The following MYL12A variants were observed in gnomAD, a reference collection of about 807,000 sequenced individuals.
The protein encoded by MYL12A is myosin light chain 12A.
MYL12A carries 11 observed loss-of-function variants against 13.3 expected under a neutral mutation model. The observed-to-expected ratio is 0.83, with a 90% confidence interval of 0.52 to 1.37. The LOEUF (loss-of-function observed/expected upper bound fraction) is 1.37. MYL12A is among the 40% of genes most tolerant of loss of function. The pLI is 0.00. For synonymous variants in MYL12A, 51 were observed against 69.9 expected (o/e 0.73, Z 1.35); for missense variants, 146 against 212.3 (o/e 0.69, Z 1.94).
At chr18:3,249,270 G>T (rs538890403) in intron 1 of MYL12A, 67 of 152,148 alleles carry the variant, frequency 4.4e-4, no homozygotes, top group African/African-American at 1.6e-3. Context: ...TGGTGTGTGG[G>T]GAAAGCCACT....
In MYL12A at chr18:3,254,059, G is replaced by T; in HGVS notation, c.343+9G>T. ...TGATGAAGAAGCAACTGGTAAGTGA[G>T]AGGTAACCTTTAATTATAAAGTGAT... On this transcript the variant is annotated intron_variant, in intron 3 of 3. Transcript: ENST00000217652. 1 of 1,608,068 alleles carries T rather than the reference G, an allele frequency of 6.2e-7. No homozygotes were observed. Among genetic ancestry groups the T allele is most frequent in the Non-Finnish European group, 8.5e-7 (1 of 1,178,408 alleles).
At chr18:3,250,166 A>G (rs1288990557) in intron 1 of MYL12A, among the ~76,000 whole-genome samples, 3 of 152,258 alleles carry the variant, frequency 2.0e-5, no homozygotes, top group Non-Finnish European at 4.4e-5. Context: ...TGGCACATGT[A>G]TACATATGTA....
rs1387563906 is a variant in MYL12A at position 3,255,612 on chromosome 18, G to A, written c.344-134G>A. ...TCTGCTGAGGCTGTTTTAAGTAGGT[G>A]GACACCCTGTAGTTCATATATTTGC... On this transcript the variant is annotated intron_variant, in intron 3 of 3. Transcript: ENST00000217652. 3.5e-6 allele frequency: 4 copies of A among 1,149,512 alleles called. No individual in the cohort carries two copies. In the South Asian group the frequency reaches 5.5e-5, roughly 16 times the overall value. 71.2% of individuals were successfully genotyped at this position (1,149,512 alleles called of 1,614,324 possible). A position where few individuals can be genotyped will look rare whatever the true frequency, so the allele number is the denominator to read the frequency against.
At chr18:3,251,713 G>T (rs1371047175) in intron 1 of MYL12A, among the ~76,000 whole-genome samples, 1 of 149,770 alleles carries the variant, frequency 6.7e-6, no homozygotes, top group East Asian at 2.0e-4. Flanking sequence ...ATGAAAATAT[G>T]CATTTATGAA....
At chr18:3,254,624 G>A (rs925905121) in intron 3 of MYL12A, among the ~76,000 whole-genome samples, 16 of 152,218 alleles carry the variant, frequency 1.1e-4, no homozygotes, top group African/African-American at 3.6e-4. Flanking sequence ...TACCTCATAG[G>A]GTTGTTGTGA....
At chr18:3,254,184 G>C (rs1428344350) in intron 3 of MYL12A, 134 bp downstream of exon 3, 2 of 1,039,420 alleles carry the variant, frequency 1.9e-6, no homozygotes, top group African/African-American at 3.3e-5. Context: ...AGTTCTCTTG[G>C]CATGTTTGTC....
intron 1 of MYL12A, chr18:3,252,224 C>A: frequency 1.0e-6 from 1 of 972,578 alleles, no homozygotes; most frequent in Non-Finnish European, 1.5e-6. Context: ...TCAGTAGTGC[C>A]TATTTTAGAC....
At position 3,251,964 on chromosome 18, in the gene MYL12A, A is replaced by G. The variant is rs187999729; in HGVS notation, c.-15-1269A>G. Among the ~76,000 whole-genome samples the G allele has an allele frequency of 2.2e-4, 33 of 152,362 alleles. No individual in the cohort carries two copies. The East Asian group carries it at 6.0e-3, about 28-fold the overall frequency. The stretch of plus-strand genomic sequence containing the variant: ...AAAAATTTGAGGCAGAGCTTTTCTA[A>G]TCATTCCATAATTGTATTTAGTCTG... On this transcript the variant is annotated intron_variant, in intron 1 of 3. Transcript: ENST00000217652.
In MYL12A at chr18:3,255,209, A is replaced by G. The variant is rs1032718909; in HGVS notation, c.344-537A>G. Among the ~76,000 whole-genome samples the G allele has an allele frequency of 9.8e-5, 15 of 152,368 alleles. No individual in the cohort carries two copies. In the South Asian group the frequency reaches 1.2e-3, roughly 13 times the overall value. ...TACAATAATTGGATTTGTAAACAGTAAAAATCTCATTTTACATCTGAGAAA... is the reference window on the plus strand; with the variant it reads ...TACAATAATTGGATTTGTAAACAGTGAAAATCTCATTTTACATCTGAGAAA... On this transcript the variant is annotated intron_variant, in intron 3 of 3. Coordinates refer to ENST00000217652, the MANE Select transcript of MYL12A (RefSeq NM_006471.4).
chr18:3,253,741 A>C (rs576009869), intron 2 of MYL12A, 148 bp from the exon 3 acceptor site: 1 of 922,172 alleles, frequency 1.1e-6, no homozygotes, highest in Non-Finnish European at 1.6e-6. Context: ...ATTCATTAAG[A>C]AAACTTTCCC....
chr18:3,253,606 T>C (rs1203836168), intron 2 of MYL12A, 178 bp downstream of exon 2: 11 of 838,140 alleles, frequency 1.3e-5, no homozygotes, highest in Non-Finnish European at 2.0e-5. Context: ...TGTCTTAGGA[T>C]TGGGTTGGGG....
At chr18:3,251,078 A>C (rs923537904) in intron 1 of MYL12A, among the ~76,000 whole-genome samples, 10 of 152,112 alleles carry the variant, frequency 6.6e-5, no homozygotes, top group African/African-American at 2.4e-4. Context: ...AATAAAATTG[A>C]TAAGATTAAG....
chr18:3,248,931 T>C (rs1403238417), intron 1 of MYL12A, among the ~76,000 whole-genome samples: 2 of 152,216 alleles, frequency 1.3e-5, no homozygotes, highest in Non-Finnish European at 1.5e-5. Flanking sequence ...TAGGCTTTTT[T>C]TTTTTAAGTG....
chr18:3,250,775 C>T (rs1241318380), intron 1 of MYL12A, among the ~76,000 whole-genome samples: 2 of 152,250 alleles, frequency 1.3e-5, no homozygotes, highest in East Asian at 3.9e-4. Flanking sequence ...CTCCCCAATC[C>T]CTTAATTACT....
At chr18:3,251,427 T>A (rs1290085793) in intron 1 of MYL12A, among the ~76,000 whole-genome samples, 1 of 152,220 alleles carries the variant, frequency 6.6e-6, no homozygotes, top group East Asian at 1.9e-4. Flanking sequence ...GGAAAGACAA[T>A]GTTGTCACAC....
chr18:3,253,228 A>C lies in MYL12A; in HGVS notation c.-15-5A>C. 6.3e-7 allele frequency: 1 copy of C among 1,597,450 alleles called. No homozygotes were observed. Among genetic ancestry groups the C allele is most frequent in the Middle Eastern group, 1.7e-4 (1 of 5,952 alleles). ...GGTTTTTATTGTATTTCCTTTCCTA[A>C]TTAGGACTTAACCACCACCATGTCG... On this transcript the variant is annotated splice_polypyrimidine_tract_variant and splice_region_variant and intron_variant, in intron 1 of 3. Coordinates refer to ENST00000217652, the MANE Select transcript of MYL12A (RefSeq NM_006471.4).
At chr18:3,253,645 C>T in intron 2 of MYL12A, 1 of 679,614 alleles carries the variant, frequency 1.5e-6, no homozygotes, top group Non-Finnish European at 2.4e-6. Context: ...TGTATAAAAA[C>T]ACTGATCTTG....
chr18:3,249,032 G>A (rs964025879), intron 1 of MYL12A, among the ~76,000 whole-genome samples: 3 of 152,084 alleles, frequency 2.0e-5, no homozygotes, highest in Non-Finnish European at 4.4e-5. Flanking sequence ...TTTGTAAGAT[G>A]GTGGTTTTTT....
Position 3,255,876 on chromosome 18 carries a change from C to G in MYL12A, c.474C>G (p.Phe158Leu), listed in dbSNP as rs2081532163. Reference protein sequence around the residue: ...DKKGNFNYIEFTRILKHGAKD... With the variant: ...DKKGNFNYIELTRILKHGAKD... Reference sequence around the variant, plus strand: ...AGGGGAATTTCAATTACATCGAGTTCACACGCATCCTGAAACATGGAGCCA... The same window carrying G: ...AGGGGAATTTCAATTACATCGAGTTGACACGCATCCTGAAACATGGAGCCA... Residue 158 changes from phenylalanine to leucine, a missense_variant, in exon 4 of 4, where the codon TTC becomes TTG. Physicochemically the swap from Phe to Leu is conservative, Grantham distance 22 (BLOSUM62 0). Coordinates refer to ENST00000217652, the MANE Select transcript of MYL12A (RefSeq NM_006471.4). The G allele has an allele frequency of 6.2e-7, 1 of 1,614,024 alleles. No individual in the cohort carries two copies. The highest frequency in any genetic ancestry group is 1.6e-4 in the Middle Eastern group (1 of 6,062).
Sources: allele counts gnomAD v4.1 joint callset (sites outside exome capture counted in the v4.1 genomes callset), GRCh38; gene constraint gnomAD v4.1.1; transcripts MANE v1.5; gene names NCBI Gene and HGNC (gene_info 2026-07-23, HGNC 2026-07-21).